TNRC6B: variants seen among roughly 807,000 people sequenced by gnomAD.
TNRC6B encodes the protein trinucleotide repeat containing adaptor 6B, also known as trinucleotide repeat-containing gene 6B protein.
TNRC6B carries 52 observed loss-of-function variants against 203.6 expected under a neutral mutation model. The ratio of observed to expected loss-of-function variants is 0.26; its 90% CI spans 0.20 to 0.32. The LOEUF (loss-of-function observed/expected upper bound fraction) is 0.32, where lower values mean the gene tolerates loss of function less well. TNRC6B is among the 10% of genes least tolerant of loss of function. The pLI, the probability that TNRC6B is intolerant of heterozygous loss-of-function variation, is 1.00. For missense variants in TNRC6B, 1,923 were observed against 2,286.2 expected (o/e 0.84, Z 3.24); for synonymous variants, 838 against 845.7 (o/e 0.99, Z 0.16).
At chr22:40,188,255 G>T (rs1601869304) in intron 1 of TNRC6B, among the ~76,000 whole-genome samples, 1 of 152,074 alleles carries the variant, frequency 6.6e-6, no homozygotes, top group South Asian at 2.1e-4. Context: ...ATCCTGCTTG[G>T]AATCAAACCT....
intron 1 of TNRC6B, among the ~76,000 whole-genome samples, chr22:40,050,361 T>C (rs2067734679): frequency 6.6e-6 from 1 of 152,184 alleles, no homozygotes; most frequent in African/African-American, 2.4e-5. Context: ...CTCTCACTTC[T>C]TTTACACCCC....
At chr22:40,122,307 C>T (rs575476401) in intron 2 of TNRC6B, among the ~76,000 whole-genome samples, 13 of 152,190 alleles carry the variant, frequency 8.5e-5, no homozygotes, top group African/African-American at 3.1e-4. Context: ...GGTATTGGAC[C>T]GCCCATTCCC....
chr22:40,253,293 T>C (rs1314957336), intron 3 of TNRC6B, among the ~76,000 whole-genome samples: 1 of 150,768 alleles, frequency 6.6e-6, no homozygotes, highest in African/African-American at 2.4e-5. Context: ...GGTTTCACCA[T>C]GTTAGCCAGG....
chr22:40,151,689 A>T (rs181415805), intron 3 of TNRC6B, among the ~76,000 whole-genome samples: 1 of 152,052 alleles, frequency 6.6e-6, no homozygotes, highest in African/African-American at 2.4e-5. Context: ...TAAAAATTCA[A>T]TTAAAATAGC....
intron 1 of TNRC6B, among the ~76,000 whole-genome samples, chr22:40,057,376 C>T (rs954041515): frequency 1.1e-4 from 17 of 150,294 alleles, no homozygotes; most frequent in African/African-American, 3.9e-4. Flanking sequence ...TCGTCGCAAC[C>T]TCCGCCTCCT....
intron 2 of TNRC6B, among the ~76,000 whole-genome samples, chr22:40,121,276 C>T (rs1963273842): frequency 6.6e-6 from 1 of 151,958 alleles, no homozygotes; most frequent in Admixed American, 6.6e-5. Flanking sequence ...AGCCAGAAAC[C>T]TCTTAATTTT....
intron 1 of TNRC6B, among the ~76,000 whole-genome samples, chr22:40,090,290 T>TA (rs2068139486): frequency 6.6e-6 from 1 of 152,202 alleles, no homozygotes; most frequent in South Asian, 2.1e-4. Context: ...CGGTTTTGCA[T>TA]TCCCACCAGC....
At chr22:40,170,474 T>A (rs867563630) in intron 4 of TNRC6B, among the ~76,000 whole-genome samples, 1 of 19,464 alleles carries the variant, frequency 5.1e-5, no homozygotes, top group Admixed American at 9.2e-4. Context: ...ATATATATAT[T>A]ATATATATAG....
intron 15 of TNRC6B, 61 bp from the exon 16 acceptor site, chr22:40,308,451 T>C: frequency 1.3e-6 from 2 of 1,599,760 alleles, no homozygotes; most frequent in Non-Finnish European, 1.7e-6. Flanking sequence ...TCCTGGACTC[T>C]GCTTCAGAAC....
At chr22:40,184,717 T>C (rs2146385277) in intron 1 of TNRC6B, among the ~76,000 whole-genome samples, 2 of 152,218 alleles carry the variant, frequency 1.3e-5, no homozygotes, top group Non-Finnish European at 2.9e-5. Context: ...TCCAGAGGCA[T>C]TTAGGAAGAT....
intron 6 of TNRC6B, among the ~76,000 whole-genome samples, chr22:40,271,703 A>T (rs1161597294): frequency 6.6e-6 from 1 of 152,222 alleles, no homozygotes; most frequent in Non-Finnish European, 1.5e-5. Flanking sequence ...GTCTTTCCCA[A>T]CCTCAGGATC....
intron 1 of TNRC6B, among the ~76,000 whole-genome samples, chr22:40,059,584 C>T (rs964342860): frequency 1.3e-5 from 2 of 151,984 alleles, no homozygotes; most frequent in East Asian, 1.9e-4. Flanking sequence ...ATGATCTGTG[C>T]GTTTTCATAG....
chr22:40,256,285 A>C (rs902090188), intron 3 of TNRC6B, among the ~76,000 whole-genome samples: 1 of 152,188 alleles, frequency 6.6e-6, no homozygotes, highest in Admixed American at 6.5e-5. Context: ...AGCATGGAAG[A>C]GTTTGTACTC....
intron 1 of TNRC6B, among the ~76,000 whole-genome samples, chr22:40,191,302 A>G (rs1179927133): frequency 1.3e-5 from 2 of 152,172 alleles, no homozygotes; most frequent in Non-Finnish European, 2.9e-5. Context: ...GTGAAGATTC[A>G]GTGAGAACTT....
chr22:40,281,006 C>T (rs980686379), intron 10 of TNRC6B, 113 bp from the exon 11 acceptor site: 4 of 886,948 alleles, frequency 4.5e-6, no homozygotes, highest in Non-Finnish European at 6.7e-6. Flanking sequence ...TTGGTTATTG[C>T]TAATACACTC....
chr22:40,201,583 A>G (rs558863963), intron 1 of TNRC6B, among the ~76,000 whole-genome samples: 2 of 151,204 alleles, frequency 1.3e-5, no homozygotes, highest in East Asian at 3.9e-4. Context: ...CTACAGGCGT[A>G]CTCTACTACA....
intron 1 of TNRC6B, among the ~76,000 whole-genome samples, chr22:40,058,127 A>T (rs75942214): frequency 3.3e-5 from 5 of 152,188 alleles, no homozygotes; most frequent in Non-Finnish European, 5.9e-5. Context: ...TAAACCATGC[A>T]GGTGGGTCTG....
In TNRC6B at chr22:40,166,894, C is replaced by CAA. The variant is rs567105023; in HGVS notation, c.113+10725_113+10726dup. Among the ~76,000 whole-genome samples the CAA allele has an allele frequency of 6.0e-3, 825 of 136,368 alleles. 8 individuals carry two copies. Among genetic ancestry groups the CAA allele is most frequent in the African/African-American group, 0.016 (596 of 37,576 alleles). 89.5% of individuals were successfully genotyped at this position (136,368 alleles called of 152,430 possible). ...TGGGTGACGGAGTGAGACTTTGTCT[C>CAA]AAAAAAAAAAAAAAGAAAAAATTGT... On this transcript the variant is annotated intron_variant, in intron 4 of 23. Coordinates refer to the TNRC6B transcript ENST00000301923.
At chr22:40,080,312 A>G (rs2068054695) in intron 1 of TNRC6B, among the ~76,000 whole-genome samples, 2 of 151,072 alleles carry the variant, frequency 1.3e-5, no homozygotes, top group Non-Finnish European at 2.9e-5. Context: ...TCCTTTCTCC[A>G]CTAATTCAAA....
Sources: allele counts gnomAD v4.1 joint callset (sites outside exome capture counted in the v4.1 genomes callset), GRCh38; gene constraint gnomAD v4.1.1; transcripts MANE v1.5; gene names NCBI Gene and HGNC (gene_info 2026-07-23, HGNC 2026-07-21).